Variants in ZRANB3 observed in about 807,000 individuals in gnomAD.
ZRANB3 encodes DNA annealing helicase and endonuclease ZRANB3.
A neutral mutation model predicts 133.8 loss-of-function variants in ZRANB3; 125 were observed. The observed-to-expected ratio is 0.93, with a 90% CI of 0.81 to 1.08. The LOEUF is 1.08. Among genes scored for constraint, ZRANB3 ranks in the 50% least tolerant of loss-of-function variants. The probability of loss-of-function intolerance (pLI) is 0.00; values close to 1 mark genes in which losing one functional copy is unlikely to be tolerated. For missense variants in ZRANB3, 1,229 were observed against 1,275.5 expected (o/e 0.96, Z 0.56); for synonymous variants, 387 against 432.7 (o/e 0.89, Z 1.31).
chr2:135,529,628 T>C (rs1694336753), intron 1 of ZRANB3, among the ~76,000 whole-genome samples: 1 of 152,040 alleles, frequency 6.6e-6, no homozygotes, highest in Admixed American at 6.5e-5. Flanking sequence ...GCCTCCCGTG[T>C]AGCTGGGACT....
intron 16 of ZRANB3, 131 bp from the exon 17 acceptor site, chr2:135,217,738 C>T: frequency 9.2e-7 from 1 of 1,085,712 alleles, no homozygotes; most frequent in Non-Finnish European, 1.3e-6. Context: ...AGTTCCATAA[C>T]CTAAGGCTTT....
At chr2:135,394,851 C>T (rs1687405739) in intron 2 of ZRANB3, among the ~76,000 whole-genome samples, 1 of 148,124 alleles carries the variant, frequency 6.8e-6, no homozygotes, top group African/African-American at 2.5e-5. Flanking sequence ...GGTGTAGTGG[C>T]TTATGTCCAT....
At chr2:135,270,594 T>C (rs1241963161) in intron 10 of ZRANB3, among the ~76,000 whole-genome samples, 4 of 152,194 alleles carry the variant, frequency 2.6e-5, no homozygotes, top group African/African-American at 9.6e-5. Context: ...TGATATTCTC[T>C]GTGGCTGGAA....
chr2:135,480,136 G>A (rs1691706922), intron 2 of ZRANB3, among the ~76,000 whole-genome samples: 2 of 151,216 alleles, frequency 1.3e-5, no homozygotes, highest in African/African-American at 2.4e-5. Flanking sequence ...TAGAGATGGG[G>A]TTTCACTGTG....
At chr2:135,440,009 A>T (rs1367754916) in intron 2 of ZRANB3, among the ~76,000 whole-genome samples, 2 of 152,220 alleles carry the variant, frequency 1.3e-5, no homozygotes, top group African/African-American at 4.8e-5. Context: ...AATTCTAATT[A>T]AAAAATCAAT....
At chr2:135,527,830 T>C (rs1694224469) in intron 1 of ZRANB3, among the ~76,000 whole-genome samples, 1 of 152,240 alleles carries the variant, frequency 6.6e-6, no homozygotes, top group African/African-American at 2.4e-5. Flanking sequence ...CAGAGATATG[T>C]GTAAACAGTG....
At chr2:135,463,418 T>C (rs1488634971) in intron 2 of ZRANB3, among the ~76,000 whole-genome samples, 1 of 151,916 alleles carries the variant, frequency 6.6e-6, no homozygotes, top group African/African-American at 2.4e-5. Flanking sequence ...GATAGGAATA[T>C]GTTGTTTTTT....
chr2:135,230,340 C>T (rs1416375621), intron 13 of ZRANB3, among the ~76,000 whole-genome samples, 173 bp downstream of exon 13: 2 of 152,200 alleles, frequency 1.3e-5, no homozygotes, highest in Admixed American at 6.5e-5. Context: ...GAGCTTTTCA[C>T]ATTCCATAAG....
At chr2:135,367,834 C>T (rs1417054835) in intron 3 of ZRANB3, among the ~76,000 whole-genome samples, 2 of 152,026 alleles carry the variant, frequency 1.3e-5, no homozygotes, top group Non-Finnish European at 2.9e-5. Flanking sequence ...CCCAATATAA[C>T]TAAATATATT....
At chr2:135,244,432 C>T (rs1180451327) in intron 12 of ZRANB3, among the ~76,000 whole-genome samples, 1 of 152,036 alleles carries the variant, frequency 6.6e-6, no homozygotes, top group Non-Finnish European at 1.5e-5. Flanking sequence ...ACGGTGAAAC[C>T]CTGTCTCTAC....
chr2:135,326,010 T>TAAAA (rs933794487), intron 6 of ZRANB3, among the ~76,000 whole-genome samples: 1 of 151,840 alleles, frequency 6.6e-6, no homozygotes, highest in Non-Finnish European at 1.5e-5. Flanking sequence ...AATAAATAAA[T>TAAAA]AAAACAAGGA....
At chr2:135,384,645 A>G (rs991565074) in intron 3 of ZRANB3, among the ~76,000 whole-genome samples, 1 of 152,204 alleles carries the variant, frequency 6.6e-6, no homozygotes, top group Non-Finnish European at 1.5e-5. Flanking sequence ...CTTATCCACC[A>G]TGATCAAGTC....
rs56914554 is a variant in ZRANB3, at chr2:135,249,945, C to T, written c.1539+15589G>A. Among the ~76,000 whole-genome samples the T allele has an allele frequency of 6.5e-3, 994 of 152,170 alleles. 9 individuals carry two copies. Among genetic ancestry groups the T allele is most frequent in the African/African-American group, 0.022 (926 of 41,502 alleles). ...GACAAGATACCTGAAAATGTGGAAG[C>T]GACTTTGGAACTGGGTAACAGGCAG... On this transcript the variant is annotated intron_variant, in intron 12 of 20. Coordinates refer to ENST00000264159, the MANE Select transcript of ZRANB3 (RefSeq NM_032143.4).
At chr2:135,243,932 T>C (rs1695667395) in intron 12 of ZRANB3, among the ~76,000 whole-genome samples, 1 of 151,992 alleles carries the variant, frequency 6.6e-6, no homozygotes, top group Admixed American at 6.6e-5. Context: ...AAATTTTTTT[T>C]TTTTTAAGAA....
intron 12 of ZRANB3, among the ~76,000 whole-genome samples, chr2:135,233,373 G>T (rs1198762186): frequency 6.6e-6 from 1 of 152,196 alleles, no homozygotes; most frequent in South Asian, 2.1e-4. Context: ...CACTCTGCAG[G>T]ATATTATCCG....
At chr2:135,465,466 A>AATG (rs1690944908) in intron 2 of ZRANB3, among the ~76,000 whole-genome samples, 1 of 152,252 alleles carries the variant, frequency 6.6e-6, no homozygotes, top group Non-Finnish European at 1.5e-5. Flanking sequence ...GGTTCCTATG[A>AATG]TAACGAAATG....
At chr2:135,450,950 C>G (rs1266990004) in intron 2 of ZRANB3, among the ~76,000 whole-genome samples, 1 of 152,152 alleles carries the variant, frequency 6.6e-6, no homozygotes, top group Non-Finnish European at 1.5e-5. Context: ...TGCCAGTGAG[C>G]AAACTACCAA....
At chr2:135,388,677 T>C (rs1687091286) in intron 3 of ZRANB3, among the ~76,000 whole-genome samples, 1 of 151,990 alleles carries the variant, frequency 6.6e-6, no homozygotes, top group African/African-American at 2.4e-5. Flanking sequence ...GGAGAATGAG[T>C]TCATATTTCT....
At chr2:135,454,042 A>G (rs904491118) in intron 2 of ZRANB3, among the ~76,000 whole-genome samples, 4 of 152,240 alleles carry the variant, frequency 2.6e-5, no homozygotes, top group Non-Finnish European at 4.4e-5. Context: ...CACTTCTTAC[A>G]TGGTGGCAGC....
Sources: allele counts gnomAD v4.1 joint callset (sites outside exome capture counted in the v4.1 genomes callset), GRCh38; gene constraint gnomAD v4.1.1; transcripts MANE v1.5; gene names NCBI Gene and HGNC (gene_info 2026-07-23, HGNC 2026-07-21).